Variants in ANKRD30A observed in about 807,000 individuals in gnomAD.
ANKRD30A encodes ankyrin repeat domain-containing protein 30A.
In ANKRD30A, 170 loss-of-function variants were observed where a neutral mutation model predicts 166.3. The ratio of observed to expected loss-of-function variants is 1.02; its 90% CI spans 0.90 to 1.16. The LOEUF is 1.16. Among genes scored for constraint, ANKRD30A ranks in the 50% most tolerant of loss-of-function variants. The pLI is 0.00. For synonymous variants in ANKRD30A, 564 were observed against 508.9 expected (o/e 1.11, Z -1.46); for missense variants, 1,630 against 1,518.0 (o/e 1.07, Z -1.23).
intron 13 of ANKRD30A, among the ~76,000 whole-genome samples, 168 bp downstream of exon 13, chr10:37,153,830 G>A (rs1317772215): frequency 6.6e-6 from 1 of 152,160 alleles, no homozygotes; most frequent in East Asian, 1.9e-4. Context: ...GTTGGCAACA[G>A]ACTATATTGA....
At position 37,193,887 on chromosome 10, in the gene ANKRD30A, G is replaced by A. The variant is rs756183896; in HGVS notation, c.2614+629G>A. Among the ~76,000 whole-genome samples the A allele has an allele frequency of 2.6e-5, 4 of 152,100 alleles. 1 individual carries two copies. The highest frequency in any genetic ancestry group is 3.9e-4 in the East Asian group (2 of 5,174). On this transcript the variant is annotated intron_variant, in intron 27 of 35. Coordinates refer to ENST00000361713, the MANE Select transcript of ANKRD30A (RefSeq NM_052997.3). The stretch of plus-strand genomic sequence containing the variant: ...TGAATTAGTTCTTGTTGTCATTCCC[G>A]TGAACGTTTACAACATTTTACAATA...
At chr10:37,137,716 A>G (rs1299021363) in intron 6 of ANKRD30A, among the ~76,000 whole-genome samples, 1 of 152,120 alleles carries the variant, frequency 6.6e-6, no homozygotes, top group Non-Finnish European at 1.5e-5. Context: ...TAGGTAAACA[A>G]AGAGGCTGGG....
chr10:37,211,665 G>T (rs1260962283), intron 31 of ANKRD30A, among the ~76,000 whole-genome samples: 4 of 151,978 alleles, frequency 2.6e-5, no homozygotes, highest in Admixed American at 2.6e-4. Context: ...GGGATGGCTG[G>T]GTCAAATGGT....
chr10:37,148,461 T>G (rs542284241), intron 9 of ANKRD30A, among the ~76,000 whole-genome samples: 85 of 152,020 alleles, frequency 5.6e-4, no homozygotes, highest in Non-Finnish European at 9.9e-4. Flanking sequence ...GAAGTTAGAG[T>G]TTTTTTAAAT....
intron 34 of ANKRD30A, among the ~76,000 whole-genome samples, chr10:37,229,215 GCTCT>G (rs1195713391): frequency 1.3e-5 from 2 of 151,912 alleles, no homozygotes; most frequent in Non-Finnish European, 2.9e-5. Context: ...TTTAGAAAAG[GCTCT>G]CTATCTCAAA....
At position 37,205,839 on chromosome 10, in the gene ANKRD30A, A is replaced by G. The variant is rs192815766; in HGVS notation, c.2869+4514A>G. Among the ~76,000 whole-genome samples the G allele has an allele frequency of 1.4e-4, 21 of 152,328 alleles. No homozygotes were observed. In the East Asian group the frequency reaches 4.1e-3, roughly 29 times the overall value. On this transcript the variant is annotated intron_variant, in intron 31 of 35. Transcript: ENST00000361713. ...GCAGACTTGAGGTCATGCAATTTTA[A>G]TAAATTCTCTGATGATGCTGATGCT...
At chr10:37,158,371 T>A (rs778374842) in intron 13 of ANKRD30A, 21 bp from the exon 14 acceptor site, 1 of 1,603,860 alleles carries the variant, frequency 6.2e-7, no homozygotes, top group Non-Finnish European at 8.5e-7. Flanking sequence ...TAATCAATTA[T>A]GTATGTCCCT....
chr10:37,223,477 C>T (rs1252910788), intron 34 of ANKRD30A, among the ~76,000 whole-genome samples: 1 of 151,276 alleles, frequency 6.6e-6, no homozygotes, highest in East Asian at 1.9e-4. Context: ...ATATTGTGAA[C>T]TATTGATGAC....
At chr10:37,195,063 A>G (rs1782088) in intron 27 of ANKRD30A, among the ~76,000 whole-genome samples, 10 of 152,270 alleles carry the variant, frequency 6.6e-5, no homozygotes, top group South Asian at 4.1e-4. Flanking sequence ...CAGTAAATAG[A>G]AGAAATAGGA....
chr10:37,133,479 A>G (rs2132512975), intron 4 of ANKRD30A, among the ~76,000 whole-genome samples: 1 of 152,346 alleles, frequency 6.6e-6, no homozygotes. Context: ...GGTCTCATAC[A>G]TTCTTATCAG....
chr10:37,149,220 C>G lies in ANKRD30A; in HGVS notation c.1544-431C>G, dbSNP rs1588791467. On this transcript the variant is annotated intron_variant, in intron 9 of 35. Transcript: ENST00000361713. The stretch of plus-strand genomic sequence containing the variant: ...AAGCTGATCAATTCATAACACTTCA[C>G]TGATGAGATGTCAATTCTACATTCA... Among the ~76,000 whole-genome samples the G allele has an allele frequency of 2.6e-5, 4 of 152,124 alleles. No individual in the cohort carries two copies. In the South Asian group the frequency reaches 8.3e-4, roughly 32 times the overall value.
the ANKRD30A span, among the ~76,000 whole-genome samples, chr10:37,265,235 C>A: frequency 6.6e-6 from 1 of 152,150 alleles, no homozygotes; most frequent in African/African-American, 2.4e-5. Context: ...CCGTGATGAA[C>A]TGGATCATGG....
intron 31 of ANKRD30A, among the ~76,000 whole-genome samples, chr10:37,212,557 T>C (rs978001480): frequency 3.3e-5 from 5 of 151,938 alleles, no homozygotes; most frequent in East Asian, 3.9e-4. Flanking sequence ...GCCCGCATTG[T>C]CAAGTCAATC....
chr10:37,158,497 T>A lies in ANKRD30A; in HGVS notation c.1828-17T>A, dbSNP rs1393651228. On this transcript the variant is annotated splice_polypyrimidine_tract_variant and intron_variant, in intron 14 of 35. Coordinates refer to ENST00000361713, the MANE Select transcript of ANKRD30A (RefSeq NM_052997.3). ...TATACATTGTATATTAATTGTTTTG[T>A]TTCCAAACCCATTTAGGCTACCTGC... 3 of 1,613,508 alleles carry A rather than the reference T, an allele frequency of 1.9e-6. No individual in the cohort carries two copies. In the East Asian group the frequency reaches 6.7e-5, roughly 36 times the overall value.
At chr10:37,194,139 G>T (rs112483595) in intron 27 of ANKRD30A, among the ~76,000 whole-genome samples, 6 of 152,054 alleles carry the variant, frequency 3.9e-5, no homozygotes, top group African/African-American at 1.4e-4. Flanking sequence ...GAAGTTGCAT[G>T]AGCCGAGCTT....
At chr10:37,152,147 T>C (rs753444984) in intron 12 of ANKRD30A, 26 bp downstream of exon 12, 1 of 1,531,876 alleles carries the variant, frequency 6.5e-7, no homozygotes, top group Non-Finnish European at 9.0e-7. Context: ...GATTTTTTTT[T>C]AATATTAGTA....
chr10:37,248,619 A>G, the ANKRD30A span, among the ~76,000 whole-genome samples: 1 of 151,804 alleles, frequency 6.6e-6, no homozygotes, highest in Non-Finnish European at 1.5e-5. Flanking sequence ...AATTGTTGCT[A>G]GGTTTGTCAT....
rs549274462 is a variant in ANKRD30A at position 37,166,645 on chromosome 10, C to A, written c.2105C>A (p.Pro702His). ...ETVSQKDVCL[P>H]KAAHQKEIDK... ...GTTTCACAGAAGGATGTGTGTTTAC[C>A]CAAGGCTGCGCATCAAAAAGAAATA... The change falls in exon 19 of 36, where the codon CCC (proline) becomes CAC (histidine). Residue 702 changes from proline to histidine, a missense_variant. By Grantham distance (77) the Pro-to-His change is moderately conservative (BLOSUM62 -2). Transcript: ENST00000361713. The A allele has an allele frequency of 5.0e-6, 8 of 1,597,874 alleles. No homozygotes were observed. Among genetic ancestry groups the A allele is most frequent in the Non-Finnish European group, 6.8e-6 (8 of 1,173,968 alleles).
rs746239418 is a variant in ANKRD30A at position 37,219,692 on chromosome 10, A to C, written c.3980A>C (p.Gln1327Pro). The change falls in exon 34 of 36, where the codon CAA (glutamine) becomes CCA (proline). Residue 1327 changes from glutamine to proline, a missense_variant. By Grantham distance (76) the Gln-to-Pro change is moderately conservative. Coordinates refer to ENST00000361713, the MANE Select transcript of ANKRD30A (RefSeq NM_052997.3). The part of the protein sequence containing the change: ...ESLDQKLFQL[Q>P]SKNMWLQQQL... ...CTAGATCAGAAATTATTTCAACTAC[A>C]AAGCAAAAATATGTGGCTTCAACAG... 1 of 1,609,548 alleles carries C rather than the reference A, an allele frequency of 6.2e-7. No individual in the cohort carries two copies. The highest frequency in any genetic ancestry group is 8.5e-7 in the Non-Finnish European group (1 of 1,177,242).
Sources: allele counts gnomAD v4.1 joint callset (sites outside exome capture counted in the v4.1 genomes callset), GRCh38; gene constraint gnomAD v4.1.1; transcripts MANE v1.5; gene names NCBI Gene and HGNC (gene_info 2026-07-23, HGNC 2026-07-21).